ZNF669: variants seen among roughly 807,000 people sequenced by gnomAD.
ZNF669 encodes the protein zinc finger protein 669.
ZNF669 carries 7 observed loss-of-function variants against 11.4 expected under a neutral mutation model. The observed-to-expected ratio is 0.62, with a 90% CI of 0.35 to 1.16. The LOEUF is 1.16. Among genes scored for constraint, ZNF669 ranks in the 50% most tolerant of loss-of-function variants. The pLI is 0.02. For missense variants in ZNF669, 492 were observed against 463.6 expected (o/e 1.06, Z -0.56); for synonymous variants, 153 against 155.8 (o/e 0.98, Z 0.13).
At position 247,100,900 on chromosome 1, in the gene ZNF669, G is replaced by C. The variant is rs762571007; in HGVS notation, c.611C>G (p.Ser204Cys). 24 of 1,614,082 alleles carry C rather than the reference G, an allele frequency of 1.5e-5. 1 individual carries two copies. In the South Asian group the frequency reaches 2.4e-4, roughly 16 times the overall value. ...TCGTTCATGTATTAGACAAGAACCG[G>C]AAACAGTGAATGCTTTACCACATTG... ...CKQCGKAFTV[S>C]GSCLIHERTH... Residue 204 changes from serine (S) to cysteine (C), a missense_variant, in exon 4 of 4, where the codon TCC becomes TGC. Ser to Cys is a moderately radical substitution (Grantham distance 112). Coordinates refer to ENST00000448299, the MANE Select transcript of ZNF669 (RefSeq NM_001142572.2).
Position 247,101,738 on chromosome 1 carries a change from C to G in ZNF669, c.184G>C (p.Asp62His), listed in dbSNP as rs765031275. The stretch of plus-strand genomic sequence containing the variant: ...CTGCTCAGTGCAAATTACCTTATAT[C>G]TTTCCCAGGTTTTTCGAAGTGATCT... ...IEDHFEKPGK[D>H]IRNHIVQRLC... The change falls in exon 3 of 4, where the codon GAT becomes CAT. Residue 62 changes from aspartate (D) to histidine (H), a missense_variant. Asp to His is a moderately conservative substitution (Grantham distance 81, BLOSUM62 -1). Transcript: ENST00000448299. 6.2e-7 allele frequency: 1 copy of G among 1,613,952 alleles called. No individual in the cohort carries two copies. The highest frequency in any genetic ancestry group is 8.5e-7 in the Non-Finnish European group (1 of 1,179,952).
At position 247,104,234 on chromosome 1, in the gene ZNF669, G is replaced by C; in HGVS notation, c.-35C>G. The C allele has an allele frequency of 2.0e-6, 3 of 1,504,570 alleles. No homozygotes were observed. Among genetic ancestry groups the C allele is most frequent in the Non-Finnish European group, 2.7e-6 (3 of 1,128,560 alleles). The allele number at this position is 1,504,570 out of a possible 1,614,324, so 93.2% of individuals were successfully genotyped here. A position where few individuals can be genotyped will look rare whatever the true frequency, so the allele number is the denominator to read the frequency against. On this transcript the variant is annotated 5_prime_UTR_variant, in exon 1 of 4. Transcript: ENST00000448299. Reference sequence around the variant, plus strand: ...TCCCGGGTGTCCTGGCGTCAGCTAGGGATGTCCCAATACTCGCAGGTCACA... The same window carrying C: ...TCCCGGGTGTCCTGGCGTCAGCTAGCGATGTCCCAATACTCGCAGGTCACA...
intron 3 of ZNF669, 116 bp downstream of exon 3, chr1:247,101,615 T>C: frequency 1.8e-6 from 2 of 1,083,386 alleles, no homozygotes; most frequent in Non-Finnish European, 2.6e-6. Flanking sequence ...GTGAAATTTT[T>C]CTAAAAATAA....
intron 3 of ZNF669, 55 bp downstream of exon 3, chr1:247,101,676 T>G: frequency 3.4e-6 from 5 of 1,481,470 alleles, no homozygotes; most frequent in Non-Finnish European, 4.6e-6. Flanking sequence ...TTTAAGTTCA[T>G]GACATGCTAA....
rs761855309 is a variant in ZNF669 at position 247,100,892 on chromosome 1, A to C, written c.619T>G (p.Cys207Gly). The C allele has an allele frequency of 2.5e-6, 4 of 1,614,028 alleles. No homozygotes were observed. In the African/African-American group the frequency reaches 5.3e-5, roughly 22 times the overall value. ...CGKAFTVSGSCLIHERTHTGE... is the reference protein window; with the variant it reads ...CGKAFTVSGSGLIHERTHTGE... Reference sequence around the variant, plus strand: ...GTGTGAGTTCGTTCATGTATTAGACAAGAACCGGAAACAGTGAATGCTTTA... The same window carrying C: ...GTGTGAGTTCGTTCATGTATTAGACCAGAACCGGAAACAGTGAATGCTTTA... The change falls in exon 4 of 4, where the codon TGT becomes GGT. Residue 207 changes from cysteine (C) to glycine (G), a missense_variant. Transcript: ENST00000448299.
intron 1 of ZNF669, among the ~76,000 whole-genome samples, chr1:247,103,372 G>A (rs757298164): frequency 3.9e-5 from 6 of 152,058 alleles, no homozygotes; most frequent in Non-Finnish European, 8.8e-5. Context: ...GGTGGCTCAC[G>A]CCTGTAATCT....
intron 1 of ZNF669, 91 bp from the exon 2 acceptor site, chr1:247,102,204 G>C: frequency 6.9e-7 from 1 of 1,444,146 alleles, no homozygotes; most frequent in South Asian, 1.4e-5. Flanking sequence ...TACATGATTT[G>C]ATAATTTCCA....
At chr1:247,104,041 G>T (rs1364101352) in intron 1 of ZNF669, 156 bp downstream of exon 1, 7 of 1,583,500 alleles carry the variant, frequency 4.4e-6, no homozygotes, top group Non-Finnish European at 6.0e-6. Flanking sequence ...GCCCCGCCCG[G>T]CCCGGCCCTG....
Position 247,101,748 on chromosome 1 carries a change from T to C in ZNF669, c.174A>G (p.Lys58=). The C allele has an allele frequency of 6.2e-7, 1 of 1,613,976 alleles. No individual in the cohort carries two copies. Among genetic ancestry groups the C allele is most frequent in the East Asian group, 2.2e-5 (1 of 44,860 alleles). ...KDQNIEDHFE[K]PGKDIRNHIV... ...CAAATTACCTTATATCTTTCCCAGG[T>C]TTTTCGAAGTGATCTTCAATATTCT... The change falls in exon 3 of 4, where the codon AAA becomes AAG. Residue 58 remains lysine, a synonymous_variant. Coordinates refer to ENST00000448299, the MANE Select transcript of ZNF669 (RefSeq NM_001142572.2).
At chr1:247,101,690 T>G (rs1671727112) in intron 3 of ZNF669, 41 bp downstream of exon 3, 1 of 1,539,328 alleles carries the variant, frequency 6.5e-7, no homozygotes, top group Admixed American at 1.9e-5. Flanking sequence ...ATGCTAAGAT[T>G]CCTTCAGAGG....
In ZNF669 at chr1:247,100,679, A is replaced by C. The variant is rs1671701571; in HGVS notation, c.832T>G (p.Cys278Gly). ...SIHTGERPYECKQCGKAFSRL... is the reference protein window; with the variant it reads ...SIHTGERPYEGKQCGKAFSRL... Reference sequence around the variant, plus strand: ...CTAAAGGCTTTGCCACATTGTTTACACTCATAGGGTCTCTCTCCAGTATGA... The same window carrying C: ...CTAAAGGCTTTGCCACATTGTTTACCCTCATAGGGTCTCTCTCCAGTATGA... The change falls in exon 4 of 4, where the codon TGT becomes GGT. Residue 278 changes from cysteine (C) to glycine (G), a missense_variant. Coordinates refer to ENST00000448299, the MANE Select transcript of ZNF669 (RefSeq NM_001142572.2). 7 of 1,614,018 alleles carry C rather than the reference A, an allele frequency of 4.3e-6. No individual in the cohort carries two copies. Among genetic ancestry groups the C allele is most frequent in the Non-Finnish European group, 5.9e-6 (7 of 1,179,970 alleles).
intron 1 of ZNF669, chr1:247,103,865 C>A: frequency 6.7e-7 from 1 of 1,482,320 alleles, no homozygotes; most frequent in Non-Finnish European, 9.0e-7. Flanking sequence ...CAGCTCCTCC[C>A]ATGCTGGAAC....
intron 1 of ZNF669, chr1:247,103,989 G>T: frequency 6.2e-7 from 1 of 1,603,100 alleles, no homozygotes; most frequent in Non-Finnish European, 8.5e-7. Flanking sequence ...CGGCGGAAGT[G>T]GCGCCCGCAG....
In ZNF669 at chr1:247,104,187, G is replaced by C. The variant is rs968163297; in HGVS notation, c.3+10C>G. 2.0e-6 allele frequency: 3 copies of C among 1,529,570 alleles called. No homozygotes were observed. The highest frequency in any genetic ancestry group is 2.6e-6 in the Non-Finnish European group (3 of 1,139,740). 94.7% of individuals were successfully genotyped at this position (1,529,570 alleles called of 1,614,324 possible). ...TCTCCACTTCGGGAAGCCAGGCGCA[G>C]TCCACTCACCATTCCTCGGCTTCCC... On this transcript the variant is annotated intron_variant, in intron 1 of 3. Coordinates refer to ENST00000448299, the MANE Select transcript of ZNF669 (RefSeq NM_001142572.2).
At position 247,100,611 on chromosome 1, in the gene ZNF669, T is replaced by C. The variant is rs775912082; in HGVS notation, c.900A>G (p.Gly300=). The C allele has an allele frequency of 4.3e-6, 7 of 1,614,082 alleles. No individual in the cohort carries two copies. The highest frequency in any genetic ancestry group is 5.1e-6 in the Non-Finnish European group (6 of 1,180,040). Residue 300 remains glycine, a synonymous_variant, in exon 4 of 4, where the codon GGA becomes GGG. Coordinates refer to ENST00000448299, the MANE Select transcript of ZNF669 (RefSeq NM_001142572.2). The part of the protein sequence containing the change: ...SLCNHRSTHT[G]EKPYECKQCD... ...ATTGTTTACATTCATAGGGTTTCTC[T>C]CCGGTATGAGTACTTCTATGGTTAC...
Position 247,100,805 on chromosome 1 carries a change from TA to T in ZNF669, c.705del (p.Phe235LeufsTer54). The T allele has an allele frequency of 6.2e-7, 1 of 1,613,800 alleles. No individual in the cohort carries two copies. The highest frequency in any genetic ancestry group is 8.5e-7 in the Non-Finnish European group (1 of 1,179,886). On this transcript the variant is annotated frameshift_variant, in exon 4 of 4. Coordinates refer to ENST00000448299, the MANE Select transcript of ZNF669 (RefSeq NM_001142572.2). LOFTEE classifies it low-confidence loss of function (END_TRUNC). Reference sequence around the variant, plus strand: ...CCAGTGTGAGTCCTTTCATGCGTCTTAAAAGAACAAGAAAATCTGAATGTTT... The same window carrying T: ...CCAGTGTGAGTCCTTTCATGCGTCTTAAAGAACAAGAAAATCTGAATGTTT... Reference protein sequence around the residue: ...CGKTFRFSCSFKTHERTHTGE... With the variant: ...CGKTFRFSCSXKTHERTHTGE...
intron 1 of ZNF669, among the ~76,000 whole-genome samples, 168 bp from the exon 2 acceptor site, chr1:247,102,281 C>A (rs991143144): frequency 6.6e-6 from 1 of 152,222 alleles, no homozygotes; most frequent in Admixed American, 6.5e-5. Context: ...TCCCACACAG[C>A]AGTACTAATG....
In ZNF669 at chr1:247,100,464, G is replaced by C; in HGVS notation, c.1047C>G (p.Arg349=). The change falls in exon 4 of 4, where the codon CGC becomes CGG. Residue 349 remains arginine (R), a synonymous_variant. Transcript: ENST00000448299. ...KAYTRSSHLT[R]HERSHDIEAG... is the part of the protein sequence containing the mutation. ...CCTCTATATCATGACTTCTTTCATGGCGAGTAAGGTGACTGGAACGAGTGT... is the reference window on the plus strand; with the variant it reads ...CCTCTATATCATGACTTCTTTCATGCCGAGTAAGGTGACTGGAACGAGTGT... 1.2e-6 allele frequency: 2 copies of C among 1,614,176 alleles called. No individual in the cohort carries two copies. Among genetic ancestry groups the C allele is most frequent in the Non-Finnish European group, 1.7e-6 (2 of 1,180,048 alleles).
chr1:247,100,360 A>G lies in ZNF669; in HGVS notation c.*14T>C. On this transcript the variant is annotated 3_prime_UTR_variant, in exon 4 of 4. Transcript: ENST00000448299. ...CACATTGTTTTAATCCAGGCTGGTT[A>G]TGAACTCCTGGGCTCAAGCAATCCA... The G allele has an allele frequency of 6.8e-7, 1 of 1,462,244 alleles. No homozygotes were observed. 90.6% of individuals were successfully genotyped at this position (1,462,244 alleles called of 1,614,324 possible). A position where few individuals can be genotyped will look rare whatever the true frequency, so the allele number is the denominator to read the frequency against.
Sources: allele counts gnomAD v4.1 joint callset (sites outside exome capture counted in the v4.1 genomes callset), GRCh38; gene constraint gnomAD v4.1.1; transcripts MANE v1.5; gene names NCBI Gene and HGNC (gene_info 2026-07-23, HGNC 2026-07-21).